Variants in GABRB1 observed in about 807,000 individuals in gnomAD.
The protein encoded by GABRB1 is gamma-aminobutyric acid type A receptor subunit beta1, also known as gamma-aminobutyric acid receptor subunit beta-1.
In GABRB1, 17 loss-of-function variants were observed where a neutral mutation model predicts 51.6. The ratio of observed to expected loss-of-function variants is 0.33; its 90% confidence interval spans 0.23 to 0.49. The LOEUF is 0.49. GABRB1 is among the 20% of genes least tolerant of loss of function. The pLI, the probability that GABRB1 is intolerant of heterozygous loss-of-function variation, is 0.99. For missense variants in GABRB1, 410 were observed against 600.6 expected, an observed-to-expected ratio of 0.68 and a Z score of 3.32; for synonymous variants, 247 against 218.9, an observed-to-expected ratio of 1.13 and a Z score of -1.14.
chr4:47,202,978 G>A (rs1411203751), intron 4 of GABRB1, among the ~76,000 whole-genome samples: 1 of 152,130 alleles, frequency 6.6e-6, no homozygotes, highest in African/African-American at 2.4e-5. Flanking sequence ...GGCAAGGGTT[G>A]GAACAGCAAG....
intron 7 of GABRB1, among the ~76,000 whole-genome samples, chr4:47,405,460 A>G (rs2110053781): frequency 6.6e-6 from 1 of 152,228 alleles, no homozygotes; most frequent in South Asian, 2.1e-4. Context: ...AAGAGCCTCT[A>G]TCAAATTTTA....
chr4:47,045,442 TATCATCATCATCATC>T lies in GABRB1; in HGVS notation c.240+12990_240+13004del, dbSNP rs36118087. ...CATTTTAAAGCATAGTATTCTCCTTTATCATCATCATCATCATCATCATCATCATCATCATCATCA... is the reference window on the plus strand; with the variant it reads ...CATTTTAAAGCATAGTATTCTCCTTTATCATCATCATCATCATCATCATCA... On this transcript the variant is annotated intron_variant, in intron 3 of 8. Transcript: ENST00000295454. 6.0e-3 allele frequency among the ~76,000 whole-genome samples: 896 copies of T among 149,448 alleles called. 5 individuals carry two copies. The highest frequency in any genetic ancestry group is 0.012 in the African/African-American group (466 of 40,458).
intron 5 of GABRB1, among the ~76,000 whole-genome samples, chr4:47,349,371 G>C (rs1726224205): frequency 6.6e-6 from 1 of 152,130 alleles, no homozygotes; most frequent in South Asian, 2.1e-4. Flanking sequence ...AAACCATGGA[G>C]TGTTGAGTCA....
chr4:47,090,861 A>G (rs1260543042), intron 3 of GABRB1, among the ~76,000 whole-genome samples: 1 of 152,004 alleles, frequency 6.6e-6, no homozygotes, highest in African/African-American at 2.4e-5. Context: ...GCACTTCCCT[A>G]CTCTTCTTTC....
chr4:47,242,237 T>G (rs1199478301), intron 4 of GABRB1, among the ~76,000 whole-genome samples: 2 of 152,218 alleles, frequency 1.3e-5, no homozygotes, highest in Admixed American at 6.5e-5. Context: ...TATGGCTGCA[T>G]AGTATTCCAT....
chr4:47,247,209 G>T (rs138643228), intron 4 of GABRB1, among the ~76,000 whole-genome samples: 210 of 151,660 alleles, frequency 1.4e-3, no homozygotes, highest in African/African-American at 4.7e-3. Context: ...CTTGAGAGAC[G>T]AGGATCCAGT....
chr4:47,005,947 T>G (rs1724385259), intron 1 of GABRB1, among the ~76,000 whole-genome samples: 1 of 150,930 alleles, frequency 6.6e-6, no homozygotes, highest in Non-Finnish European at 1.5e-5. Context: ...CTTATTTTTT[T>G]ATTTACTTAA....
At chr4:47,345,526 T>C (rs575497504) in intron 5 of GABRB1, among the ~76,000 whole-genome samples, 44 of 152,276 alleles carry the variant, frequency 2.9e-4, no homozygotes, top group Middle Eastern at 3.4e-3. Flanking sequence ...AAACATCAAG[T>C]TGAAGACCCT....
upstream of GABRB1, chr4:47,031,547 C>G: frequency 1.1e-6 from 1 of 904,668 alleles, no homozygotes; most frequent in Non-Finnish European, 1.8e-6. Flanking sequence ...AGTGAGCGCG[C>G]TCTGCGCATG....
intron 3 of GABRB1, among the ~76,000 whole-genome samples, chr4:47,121,099 T>C (rs1232858982): frequency 1.3e-5 from 2 of 152,138 alleles, no homozygotes; most frequent in Non-Finnish European, 1.5e-5. Flanking sequence ...AGCACTTTAG[T>C]CCTTGGTGGC....
At chr4:47,157,970 C>T (rs892129112) in intron 3 of GABRB1, among the ~76,000 whole-genome samples, 2 of 151,978 alleles carry the variant, frequency 1.3e-5, no homozygotes, top group African/African-American at 4.8e-5. Context: ...AAATTGGGTA[C>T]ATTATTGCTT....
chr4:47,102,465 G>A (rs986410379), intron 3 of GABRB1, among the ~76,000 whole-genome samples: 1 of 151,976 alleles, frequency 6.6e-6, no homozygotes, highest in African/African-American at 2.4e-5. Flanking sequence ...TATATGAAAG[G>A]GAAGAGTGCA....
chr4:47,035,791 G>A (rs1482994597), intron 3 of GABRB1, among the ~76,000 whole-genome samples: 1 of 152,314 alleles, frequency 6.6e-6, no homozygotes, highest in African/African-American at 2.4e-5. Flanking sequence ...AACACAGACA[G>A]TAGTAGGCAA....
At chr4:47,344,147 T>C (rs1726002660) in intron 5 of GABRB1, among the ~76,000 whole-genome samples, 1 of 152,186 alleles carries the variant, frequency 6.6e-6, no homozygotes, top group Non-Finnish European at 1.5e-5. Flanking sequence ...ATTAACCCTG[T>C]CTTCTAATTC....
chr4:47,174,160 G>A (rs1217245657), intron 4 of GABRB1, among the ~76,000 whole-genome samples: 4 of 151,998 alleles, frequency 2.6e-5, no homozygotes, highest in African/African-American at 9.7e-5. Flanking sequence ...AACCTCCCAG[G>A]CTTAAGCAAT....
At chr4:47,333,358 G>A (rs1725573833) in intron 5 of GABRB1, among the ~76,000 whole-genome samples, 1 of 151,548 alleles carries the variant, frequency 6.6e-6, no homozygotes, top group Admixed American at 6.6e-5. Context: ...AACATTCTCT[G>A]CCATGTAAAA....
intron 1 of GABRB1, among the ~76,000 whole-genome samples, chr4:47,000,481 T>C (rs1724145756): frequency 6.6e-6 from 1 of 152,218 alleles, no homozygotes; most frequent in Non-Finnish European, 1.5e-5. Context: ...TATAAAACTT[T>C]CTAGCTTAAA....
upstream of GABRB1, among the ~76,000 whole-genome samples, chr4:47,030,879 G>T (rs1261432048): frequency 2.0e-5 from 3 of 151,962 alleles, no homozygotes; most frequent in African/African-American, 7.2e-5. Context: ...AAGATTGCCT[G>T]CCCAGAACTG....
intron 3 of GABRB1, among the ~76,000 whole-genome samples, chr4:47,092,678 C>T (rs910383872): frequency 7.3e-5 from 11 of 151,204 alleles, no homozygotes; most frequent in African/African-American, 1.2e-4. Context: ...TCTCTTGGCT[C>T]ACTGGCTCAC....
Sources: allele counts gnomAD v4.1 joint callset (sites outside exome capture counted in the v4.1 genomes callset), GRCh38; gene constraint gnomAD v4.1.1; transcripts MANE v1.5; gene names NCBI Gene and HGNC (gene_info 2026-07-23, HGNC 2026-07-21).